Variants in NUP160 observed in about 807,000 individuals in gnomAD.
NUP160 encodes the protein nuclear pore complex protein Nup160.
A neutral mutation model predicts 196.9 loss-of-function variants in NUP160; 94 were observed. The observed-to-expected ratio is 0.48, with a 90% CI of 0.40 to 0.57. NUP160 has a LOEUF of 0.57. Ranked by LOEUF, NUP160 falls within the 20% of genes least tolerant of loss-of-function variation. The pLI is 0.00. For synonymous variants in NUP160, 605 were observed against 619.7 expected, an observed-to-expected ratio of 0.98 and a Z score of 0.35; for missense variants, 1,638 against 1,748.3, an observed-to-expected ratio of 0.94 and a Z score of 1.13.
chr11:47,826,578 T>A (rs544697625), intron 7 of NUP160, among the ~76,000 whole-genome samples: 3 of 150,886 alleles, frequency 2.0e-5, no homozygotes, highest in Admixed American at 2.0e-4. Context: ...CCCTTTTTTT[T>A]TTGAGACAGA....
exon 28 of NUP160, chr11:47,792,839 G>T (rs373754603): frequency 1.4e-5 from 23 of 1,613,938 alleles, no homozygotes; most frequent in Non-Finnish European, 1.7e-5. Flanking sequence ...CGAATAAGTC[G>T]TAAACAATTG....
intron 23 of NUP160, 28 bp downstream of exon 23, chr11:47,801,783 T>C: frequency 6.2e-7 from 1 of 1,608,788 alleles, no homozygotes; most frequent in Non-Finnish European, 8.5e-7. Context: ...CACAGGGTGG[T>C]ATAAGGCCAA....
At chr11:47,837,855 A>C (rs1247911603) in intron 4 of NUP160, among the ~76,000 whole-genome samples, 2 of 152,240 alleles carry the variant, frequency 1.3e-5, no homozygotes, top group Non-Finnish European at 2.9e-5. Flanking sequence ...TGCCTTTTAC[A>C]GACAGTAACC....
At chr11:47,808,349 T>C (rs887062893) in intron 18 of NUP160, 47 bp downstream of exon 18, 1 of 1,550,452 alleles carries the variant, frequency 6.4e-7, no homozygotes. Flanking sequence ...GGAAAAATAA[T>C]TAAACTCACA....
At chr11:47,813,205 GT>G in intron 14 of NUP160, 110 bp downstream of exon 14, 1 of 1,006,744 alleles carries the variant, frequency 9.9e-7, no homozygotes, top group African/African-American at 1.6e-5. Flanking sequence ...TTGTGGTGTG[GT>G]AAAGTGACCA....
At chr11:47,788,053 T>G in intron 31 of NUP160, 129 bp downstream of exon 31, 1 of 842,354 alleles carries the variant, frequency 1.2e-6, no homozygotes, top group Non-Finnish European at 1.8e-6. Context: ...TTGGATGGAT[T>G]AAACAAAACA....
intron 22 of NUP160, among the ~76,000 whole-genome samples, chr11:47,803,237 T>G (rs549892179): frequency 6.6e-6 from 1 of 151,798 alleles, no homozygotes; most frequent in East Asian, 1.9e-4. Flanking sequence ...CTTATGTTCC[T>G]GAGTCCTATC....
intron 23 of NUP160, 120 bp from the exon 24 acceptor site, chr11:47,798,583 A>G: frequency 1.6e-6 from 1 of 632,348 alleles, no homozygotes; most frequent in Admixed American, 2.8e-5. Context: ...CACACCTCCA[A>G]TCCCAGTACT....
At chr11:47,788,261 C>A in exon 31 of NUP160, 1 of 1,613,948 alleles carries the variant, frequency 6.2e-7, no homozygotes, top group East Asian at 2.2e-5. Flanking sequence ...TCAAAGAGGC[C>A]CGCCTGAACC....
intron 35 of NUP160, among the ~76,000 whole-genome samples, 183 bp downstream of exon 35, chr11:47,780,160 G>A (rs1234290218): frequency 6.6e-6 from 1 of 152,172 alleles, no homozygotes. Flanking sequence ...TCCTCATTAT[G>A]TTTTCTTGAT....
Position 47,782,978 on chromosome 11 carries a change from G to A in NUP160, c.4116+95C>T, listed in dbSNP as rs1406304092. ...CCGGCCATCAGTATTTTAAAGTATGGTTTCTCATAAATGTTCATCACTTTC... is the reference window on the plus strand; with the variant it reads ...CCGGCCATCAGTATTTTAAAGTATGATTTCTCATAAATGTTCATCACTTTC... On this transcript the variant is annotated intron_variant, in intron 34 of 35. Transcript: ENST00000378460. The A allele has an allele frequency of 3.5e-5, 38 of 1,081,214 alleles. No individual in the cohort carries two copies. In the Admixed American group the frequency reaches 6.6e-4, roughly 19 times the overall value. 67.0% of individuals were successfully genotyped at this position (1,081,214 alleles called of 1,614,324 possible). A position where few individuals can be genotyped will look rare whatever the true frequency, so the allele number is the denominator to read the frequency against.
chr11:47,839,785 G>T, intron 4 of NUP160, 58 bp downstream of exon 4: 2 of 1,396,996 alleles, frequency 1.4e-6, no homozygotes, highest in Non-Finnish European at 2.0e-6. Context: ...AGGTTGAACT[G>T]TTTCAATGTT....
At chr11:47,836,439 A>C (rs1420905058) in intron 6 of NUP160, among the ~76,000 whole-genome samples, 1 of 151,998 alleles carries the variant, frequency 6.6e-6, no homozygotes, top group African/African-American at 2.4e-5. Context: ...AACATGGCAA[A>C]ACCCTGTCTA....
chr11:47,824,064 T>C (rs901371175), intron 7 of NUP160, among the ~76,000 whole-genome samples: 175 of 122,420 alleles, frequency 1.4e-3, no homozygotes, highest in Non-Finnish European at 2.1e-3. Context: ...CACACACACA[T>C]AGAAGTGGAA....
chr11:47,835,379 A>G (rs1455299203), intron 7 of NUP160, among the ~76,000 whole-genome samples: 1 of 152,202 alleles, frequency 6.6e-6, no homozygotes, highest in Non-Finnish European at 1.5e-5. Context: ...CCTTTCAGGA[A>G]TTCTGTTTTT....
chr11:47,806,393 T>C, intron 19 of NUP160, 81 bp from the exon 20 acceptor site: 1 of 1,134,884 alleles, frequency 8.8e-7, no homozygotes, highest in Non-Finnish European at 1.3e-6. Context: ...ATTCATTTTA[T>C]GCTTGTAACA....
chr11:47,809,256 C>CA (rs35748617), intron 17 of NUP160, among the ~76,000 whole-genome samples: 84,958 of 94,820 alleles, frequency 0.9, 38,492 homozygotes, highest in East Asian at 0.97. Context: ...GAACTTGTCT[C>CA]AAAAAAAAAA....
intron 7 of NUP160, among the ~76,000 whole-genome samples, chr11:47,833,052 T>C (rs938852248): frequency 1.3e-5 from 2 of 152,200 alleles, no homozygotes; most frequent in African/African-American, 4.8e-5. Flanking sequence ...ATGGAAATGT[T>C]CTAAAGTTGA....
At chr11:47,812,037 A>G (rs1172738764) in intron 17 of NUP160, 27 bp downstream of exon 17, 1 of 1,612,062 alleles carries the variant, frequency 6.2e-7, no homozygotes, top group East Asian at 2.2e-5. Flanking sequence ...TTTAGATTTT[A>G]CAAGTTTTCC....
Sources: gnomAD v4.1 joint callset for allele counts (sites outside exome capture counted in the v4.1 genomes callset) on GRCh38, gnomAD v4.1.1 for gene constraint, MANE v1.5 for transcripts, NCBI Gene and HGNC (gene_info 2026-07-23, HGNC 2026-07-21) for gene names.